The following GTF3C3 variants were observed in gnomAD, a reference collection of about 807,000 sequenced individuals.
GTF3C3 encodes the protein general transcription factor IIIC subunit 3.
In GTF3C3, 75 loss-of-function variants were observed where a neutral mutation model predicts 105.2. The observed-to-expected ratio is 0.71, with a 90% CI of 0.59 to 0.86. The LOEUF is 0.86. GTF3C3 is among the 40% of genes least tolerant of loss of function. GTF3C3 has a pLI of 0.00. For missense variants in GTF3C3, 856 were observed against 1,076.5 expected (o/e 0.80, Z 2.87); for synonymous variants, 335 against 370.4 (o/e 0.90, Z 1.10).
Position 196,786,801 on chromosome 2 carries a change from C to T in GTF3C3, c.894-1213G>A, listed in dbSNP as rs184267519. On this transcript the variant is annotated intron_variant, in intron 6 of 17. Coordinates refer to ENST00000263956, the MANE Select transcript of GTF3C3 (RefSeq NM_012086.5). This position sits in a 1 kb window ranked among gnomAD's most constrained non-coding sequence, Gnocchi z 4.2. ...TGCCTCTTTCCATTCTCTTTTTAAC[C>T]TAATCCAATCAACTTTTCCTCTCCC... is the stretch of plus-strand genomic sequence containing the variant. Among the ~76,000 whole-genome samples, 30 of 152,138 alleles carry T rather than the reference C, an allele frequency of 2.0e-4. No homozygotes were observed. Among genetic ancestry groups the T allele is most frequent in the African/African-American group, 7.0e-4 (29 of 41,516 alleles).
rs1393119233 is a variant in GTF3C3, at chr2:196,773,116, A to G, written c.1869T>C (p.Asp623=). Residue 623 remains aspartate (D), a synonymous_variant, in exon 14 of 18, where the codon GAT becomes GAC. Transcript: ENST00000263956. The part of the protein sequence containing the change: ...FAVLTSVLTK[D]DWWNLLLKAI... Reference sequence around the variant, plus strand: ...CCTTCAACAGAAGATTCCACCAGTCATCCTTTGTCAAGACGCTTGTGAGCA... The same window carrying G: ...CCTTCAACAGAAGATTCCACCAGTCGTCCTTTGTCAAGACGCTTGTGAGCA... The G allele has an allele frequency of 1.2e-6, 2 of 1,612,052 alleles. No individual in the cohort carries two copies. The highest frequency in any genetic ancestry group is 1.7e-6 in the Non-Finnish European group (2 of 1,179,112).
intron 8 of GTF3C3, among the ~76,000 whole-genome samples, chr2:196,782,756 G>A (rs1354014283): frequency 6.6e-6 from 1 of 152,170 alleles, no homozygotes; most frequent in Non-Finnish European, 1.5e-5. Flanking sequence ...TGGGACCTGT[G>A]CAGGTAAACA....
In GTF3C3 at chr2:196,773,049, C is replaced by T; in HGVS notation, c.1936G>A (p.Glu646Lys). The change falls in exon 14 of 18, where the codon GAG (glutamate) becomes AAG (lysine). Residue 646 changes from glutamate to lysine, a missense_variant. Physicochemically the swap from Glu to Lys is moderately conservative, Grantham distance 56 (BLOSUM62 1). Around this residue, in one of 3 missense-constraint regions of GTF3C3, gnomAD observed 605 missense variants for 833.6 expected, o/e 0.73. Coordinates refer to ENST00000263956, the MANE Select transcript of GTF3C3 (RefSeq NM_012086.5). ...LCDLSRFQEA[E>K]LLVDSSLEYY... ...TCCAATGAGGAATCTACAAGCAACT[C>T]AGCCTCTTGAAATCGGGATAGGTCA... 1 of 1,612,392 alleles carries T rather than the reference C, an allele frequency of 6.2e-7. No individual in the cohort carries two copies. The highest frequency in any genetic ancestry group is 8.5e-7 in the Non-Finnish European group (1 of 1,178,448).
rs754400714 is a variant in GTF3C3 at position 196,793,067 on chromosome 2, C to A, written c.300G>T (p.Glu100Asp). 14 of 1,613,486 alleles carry A rather than the reference C, an allele frequency of 8.7e-6. No individual in the cohort carries two copies. The Admixed American group carries it at 2.3e-4, about 27-fold the overall frequency. The part of the protein sequence containing the change: ...LGENEDDEEE[E>D]EEEEEEEEEE... ...CCTCCTCCTCCTCCTCCTCTTCTTC[C>A]TCTTCCTCCTCATCATCTTCATTCT... The change falls in exon 3 of 18, where the codon GAG becomes GAT. Residue 100 changes from glutamate to aspartate, a missense_variant. Around this residue, in one of 3 missense-constraint regions of GTF3C3, gnomAD observed 117 missense variants for 114.0 expected, o/e 1.03. Transcript: ENST00000263956.
chr2:196,799,276 G>A (rs1257650888), intron 1 of GTF3C3: 1 of 484,860 alleles, frequency 2.1e-6, no homozygotes, highest in South Asian at 2.8e-5. Flanking sequence ...ACGTAGTATT[G>A]GGGGAAAAAG....
chr2:196,773,239 A>G, intron 13 of GTF3C3, 86 bp from the exon 14 acceptor site: 1 of 786,316 alleles, frequency 1.3e-6, no homozygotes, highest in South Asian at 1.7e-5. Flanking sequence ...CAATTTTAAG[A>G]CAAGTTTAAT....
At chr2:196,785,904 T>C (rs1481321926) in intron 6 of GTF3C3, among the ~76,000 whole-genome samples, 4 of 152,140 alleles carry the variant, frequency 2.6e-5, no homozygotes, top group African/African-American at 9.7e-5. Flanking sequence ...TTTTTCACTA[T>C]TGCCTACACC....
intron 8 of GTF3C3, among the ~76,000 whole-genome samples, chr2:196,781,359 T>TATATATATATATAA (rs1699356679): frequency 1.6e-5 from 1 of 62,430 alleles, no homozygotes; most frequent in Non-Finnish European, 3.1e-5. Context: ...AAAAAAAAAA[T>TATATATATATATAA]ATATATATAT....
intron 8 of GTF3C3, among the ~76,000 whole-genome samples, chr2:196,782,548 C>G (rs1393353679): frequency 6.6e-6 from 1 of 151,160 alleles, no homozygotes; most frequent in Non-Finnish European, 1.5e-5. Context: ...ATGTTGAATG[C>G]AAGATGTATA....
rs1463954623 is a variant in GTF3C3 at position 196,790,013 on chromosome 2, T to G, written c.593A>C (p.Asp198Ala). The G allele has an allele frequency of 3.1e-6, 5 of 1,613,628 alleles. No individual in the cohort carries two copies. Among genetic ancestry groups the G allele is most frequent in the Non-Finnish European group, 4.2e-6 (5 of 1,179,758 alleles). The change falls in exon 5 of 18, where the codon GAC becomes GCC. Residue 198 changes from aspartate to alanine, a missense_variant. By Grantham distance (126) the Asp-to-Ala change is moderately radical. This residue lies in a region of GTF3C3 where 605 missense variants were observed against 833.6 expected (regional missense o/e 0.73). Transcript: ENST00000263956. ...CTCAAACTGCAATGATTTTTCCATG[T>G]CACCTTGGTCCTCATATATCATGGC... ...TLAMIYEDQG[D>A]MEKSLQFELI... is the part of the protein sequence containing the mutation.
At position 196,799,659 on chromosome 2, in the gene GTF3C3, G is replaced by A. The variant is rs760878200; in HGVS notation, c.-48C>T. ...ACCCCAGGAACCGGGACAGAGAACCGGAAGAGCAGCGCCTTCCAGAAGCTA... is the reference window on the plus strand; with the variant it reads ...ACCCCAGGAACCGGGACAGAGAACCAGAAGAGCAGCGCCTTCCAGAAGCTA... On this transcript the variant is annotated 5_prime_UTR_variant, in exon 1 of 18. Coordinates refer to ENST00000263956, the MANE Select transcript of GTF3C3 (RefSeq NM_012086.5). 2 of 1,374,254 alleles carry A rather than the reference G, an allele frequency of 1.5e-6. No individual in the cohort carries two copies. Among genetic ancestry groups the A allele is most frequent in the South Asian group, 1.2e-5 (1 of 85,706 alleles). The allele number at this position is 1,374,254 out of a possible 1,614,324, so 85.1% of individuals were successfully genotyped here.
At chr2:196,784,981 T>TTTGTA (rs1191171913) in intron 7 of GTF3C3, 52 bp from the exon 8 acceptor site, 1 of 1,178,580 alleles carries the variant, frequency 8.5e-7, no homozygotes, top group African/African-American at 1.5e-5. Context: ...AAAAACCATT[T>TTTGTA]CATAATGCAA....
chr2:196,775,952 G>A lies in GTF3C3; in HGVS notation c.1695+58C>T, dbSNP rs541583956. On this transcript the variant is annotated intron_variant, in intron 12 of 17. Coordinates refer to ENST00000263956, the MANE Select transcript of GTF3C3 (RefSeq NM_012086.5). ...AAAGTAGTATAATCTATGTTTAAAT[G>A]AAATACTAAACATTTAAAAAGTCAA... The A allele has an allele frequency of 5.1e-5, 37 of 732,064 alleles. No homozygotes were observed. The African/African-American group carries it at 5.1e-4, about 10-fold the overall frequency. 45.3% of individuals were successfully genotyped at this position (732,064 alleles called of 1,614,324 possible). A position where few individuals can be genotyped will look rare whatever the true frequency, so the allele number is the denominator to read the frequency against.
intron 10 of GTF3C3, among the ~76,000 whole-genome samples, chr2:196,777,150 GA>G (rs1699272988): frequency 6.6e-6 from 1 of 152,086 alleles, no homozygotes; most frequent in South Asian, 2.1e-4. Context: ...GGATTCTTTT[GA>G]AAGTTCTGTA....
intron 8 of GTF3C3, 68 bp from the exon 9 acceptor site, chr2:196,780,730 T>A (rs1699335491): frequency 6.5e-7 from 1 of 1,533,680 alleles, no homozygotes; most frequent in Non-Finnish European, 8.8e-7. Context: ...CTATGTAAGA[T>A]CTCATTTATT....
intron 2 of GTF3C3, among the ~76,000 whole-genome samples, chr2:196,796,482 G>T (rs2125753035): frequency 6.6e-6 from 1 of 152,304 alleles, no homozygotes; most frequent in Admixed American, 6.5e-5. Flanking sequence ...CAAATTGTGA[G>T]AACAACTTCA....
At chr2:196,773,732 G>GA (rs1559298861) in intron 13 of GTF3C3, 1 of 391,890 alleles carries the variant, frequency 2.6e-6, no homozygotes, top group East Asian at 7.4e-5. Flanking sequence ...ACCATCTGGG[G>GA]GTGATGGGAG....
chr2:196,790,127 G>C lies in GTF3C3; in HGVS notation c.536-57C>G, dbSNP rs1699522139. ...GCTGAGAGAAGAGGCTTGAGTTGAT[G>C]TCCATCCCATGGTTCAAACTGTATG... On this transcript the variant is annotated intron_variant, in intron 4 of 17. Transcript: ENST00000263956. 4 of 1,123,672 alleles carry C rather than the reference G, an allele frequency of 3.6e-6. No homozygotes were observed. In the Admixed American group the frequency reaches 1.0e-4, roughly 29 times the overall value. 69.6% of individuals were successfully genotyped at this position (1,123,672 alleles called of 1,614,324 possible). A position where few individuals can be genotyped will look rare whatever the true frequency, so the allele number is the denominator to read the frequency against.
At chr2:196,789,606 C>T (rs1247449915) in intron 5 of GTF3C3, among the ~76,000 whole-genome samples, 1 of 152,080 alleles carries the variant, frequency 6.6e-6, no homozygotes, top group Non-Finnish European at 1.5e-5. Context: ...GATGTTAATC[C>T]TCAAGGAACA....
Sources: gnomAD v4.1 joint callset for allele counts (sites outside exome capture counted in the v4.1 genomes callset) on GRCh38, gnomAD v4.1.1 for gene constraint, gnomAD v4.1.1 regional missense constraint, Gnocchi (gnomAD v3.1) non-coding constraint, MANE v1.5 for transcripts, NCBI Gene and HGNC (gene_info 2026-07-23, HGNC 2026-07-21) for gene names.